RBFOX1: variants seen among roughly 807,000 people sequenced by gnomAD.
The protein encoded by RBFOX1 is RNA binding protein fox-1 homolog 1.
A neutral mutation model predicts 57.7 loss-of-function variants in RBFOX1; 8 were observed. That is an observed-to-expected ratio of 0.14 (90% CI 0.08 to 0.25). The LOEUF (loss-of-function observed/expected upper bound fraction) is 0.25, where lower values mean the gene tolerates loss of function less well. Among genes scored for constraint, RBFOX1 ranks in the 10% least tolerant of loss-of-function variants. The pLI is 1.00. For missense variants in RBFOX1, 611 were observed against 548.5 expected, an observed-to-expected ratio of 1.11 and a Z score of -1.14; for synonymous variants, 326 against 222.4, an observed-to-expected ratio of 1.47 and a Z score of -4.15.
intron 2 of RBFOX1, among the ~76,000 whole-genome samples, chr16:6,348,917 T>C (rs1413204265): frequency 7.2e-5 from 11 of 152,292 alleles, no homozygotes; most frequent in Non-Finnish European, 1.5e-5. Context: ...AGGTGTACTA[T>C]GCTTTTCTGG....
chr16:7,191,421 C>T (rs1432729534), intron 4 of RBFOX1, among the ~76,000 whole-genome samples: 2 of 151,472 alleles, frequency 1.3e-5, no homozygotes, highest in African/African-American at 4.9e-5. Flanking sequence ...TCATGTTGTA[C>T]AATTGTCCTC....
intron 3 of RBFOX1, among the ~76,000 whole-genome samples, chr16:6,916,592 T>C (rs1244068393): frequency 1.3e-5 from 2 of 152,124 alleles, no homozygotes; most frequent in Admixed American, 6.5e-5. Flanking sequence ...TACACACTTG[T>C]AAGGCCTTCC....
intron 1 of RBFOX1, among the ~76,000 whole-genome samples, chr16:5,241,947 A>T (rs541296830): frequency 2.3e-4 from 35 of 152,084 alleles, no homozygotes; most frequent in Non-Finnish European, 3.4e-4. Flanking sequence ...CCAAAAAAAA[A>T]AATAATAATA....
chr16:6,833,524 G>A (rs1212857779), intron 3 of RBFOX1, among the ~76,000 whole-genome samples: 2 of 152,048 alleles, frequency 1.3e-5, no homozygotes, highest in Non-Finnish European at 2.9e-5. Context: ...TTCCCAGACT[G>A]GAATGCCAGC....
intron 4 of RBFOX1, among the ~76,000 whole-genome samples, chr16:7,251,756 T>G (rs2094507043): frequency 6.6e-6 from 1 of 152,144 alleles, no homozygotes; most frequent in African/African-American, 2.4e-5. Context: ...TTAGGTTGAT[T>G]CCATATCTTA....
At position 6,999,986 on chromosome 16, in the gene RBFOX1, T is replaced by C. The variant is rs984130753; in HGVS notation, c.-15-52071T>C. 4.0e-5 allele frequency among the ~76,000 whole-genome samples: 6 copies of C among 151,456 alleles called. No homozygotes were observed. In the Middle Eastern group the frequency reaches 0.01, roughly 258 times the overall value. On this transcript the variant is annotated intron_variant, in intron 3 of 15. Coordinates refer to ENST00000550418, the MANE Select transcript of RBFOX1 (RefSeq NM_018723.4). ...ACTCCAGAGGCTGAGGCAGGAGAAT[T>C]GCTTGGACCTAGCAGGCAGAGGTTG...
chr16:5,744,256 C>G (rs149129720), intron 3 of RBFOX1, among the ~76,000 whole-genome samples: 1 of 152,246 alleles, frequency 6.6e-6, no homozygotes, highest in East Asian at 1.9e-4. Flanking sequence ...TGTAGCTGCC[C>G]TTGAATGAAT....
chr16:5,657,685 TTTCTTTC>T, intron 3 of RBFOX1, among the ~76,000 whole-genome samples: 1 of 128,590 alleles, frequency 7.8e-6, no homozygotes, highest in African/African-American at 3.0e-5. Context: ...CTTTTCTTTC[TTTCTTTC>T]TTTCTCCTTC....
intron 4 of RBFOX1, among the ~76,000 whole-genome samples, chr16:7,057,432 C>G (rs1251510235): frequency 2.0e-5 from 3 of 152,196 alleles, no homozygotes; most frequent in Admixed American, 2.0e-4. Context: ...CTGGATTTTT[C>G]TTTTGATAAA....
intron 1 of RBFOX1, among the ~76,000 whole-genome samples, chr16:6,126,872 G>C (rs983650538): frequency 6.6e-6 from 1 of 152,164 alleles, no homozygotes; most frequent in Non-Finnish European, 1.5e-5. Flanking sequence ...ACTCTCCTGA[G>C]AAGCCAGCTT....
chr16:6,866,913 A>C (rs1372654691), intron 3 of RBFOX1, among the ~76,000 whole-genome samples: 1 of 152,022 alleles, frequency 6.6e-6, no homozygotes, highest in African/African-American at 2.4e-5. Flanking sequence ...CAAGATAAGG[A>C]AACCAGCCCT....
chr16:5,404,275 G>A (rs146650045), intron 1 of RBFOX1, among the ~76,000 whole-genome samples: 9 of 152,266 alleles, frequency 5.9e-5, no homozygotes, highest in South Asian at 2.1e-4. Context: ...ACAATTGCAC[G>A]TGTACCCCAT....
chr16:5,653,830 C>A (rs142050946), intron 3 of RBFOX1, among the ~76,000 whole-genome samples: 5 of 152,164 alleles, frequency 3.3e-5, no homozygotes, highest in Non-Finnish European at 7.3e-5. Context: ...AGAATGGATG[C>A]TGGGTCAGGG....
chr16:5,566,380 A>T (rs1038285388), intron 2 of RBFOX1, among the ~76,000 whole-genome samples: 9 of 152,258 alleles, frequency 5.9e-5, no homozygotes, highest in African/African-American at 1.9e-4. Flanking sequence ...GTGGCACGGT[A>T]CATAGAGAAT....
chr16:6,315,028 G>T (rs1358806784), intron 1 of RBFOX1, among the ~76,000 whole-genome samples: 1 of 152,260 alleles, frequency 6.6e-6, no homozygotes, highest in African/African-American at 2.4e-5. Flanking sequence ...CAAGGGGACA[G>T]TTCCTGACAT....
intron 1 of RBFOX1, among the ~76,000 whole-genome samples, chr16:5,456,468 A>T (rs1597141286): frequency 6.6e-6 from 1 of 152,294 alleles, no homozygotes; most frequent in East Asian, 1.9e-4. Context: ...AGGGTCAGTG[A>T]TGGTTCTATG....
At chr16:6,931,927 C>T (rs776017407) in intron 3 of RBFOX1, among the ~76,000 whole-genome samples, 1 of 152,116 alleles carries the variant, frequency 6.6e-6, no homozygotes, top group Non-Finnish European at 1.5e-5. Flanking sequence ...GAGGAGTAAG[C>T]AAGAGAACCA....
At chr16:5,856,575 G>GTGTGTGTATGTATGTATATGTACATA (rs1192496608) in intron 3 of RBFOX1, among the ~76,000 whole-genome samples, 1 of 32,920 alleles carries the variant, frequency 3.0e-5, no homozygotes, top group African/African-American at 1.3e-4. Context: ...GTGTGTGTGT[G>GTGTGTGTATGTATGTATATGTACATA]TATATATATA....
rs183709930 is a variant in RBFOX1 at position 7,082,749 on chromosome 16, A to G, written c.27+30651A>G. Among the ~76,000 whole-genome samples, 241 of 152,154 alleles carry G rather than the reference A, an allele frequency of 1.6e-3. 2 individuals are homozygous for G. Among genetic ancestry groups the G allele is most frequent in the Non-Finnish European group, 8.8e-4 (60 of 68,016 alleles). On this transcript the variant is annotated intron_variant, in intron 4 of 15. Coordinates refer to ENST00000550418, the MANE Select transcript of RBFOX1 (RefSeq NM_018723.4). ...TATATAATTAATGTATCACAATGGCATTCAATTTCTGTAGCAGATCAGAAG... is the reference window on the plus strand; with the variant it reads ...TATATAATTAATGTATCACAATGGCGTTCAATTTCTGTAGCAGATCAGAAG...
Sources: gnomAD v4.1 joint callset for allele counts (sites outside exome capture counted in the v4.1 genomes callset) on GRCh38, gnomAD v4.1.1 for gene constraint, MANE v1.5 for transcripts, NCBI Gene and HGNC (gene_info 2026-07-23, HGNC 2026-07-21) for gene names.